The following ZNHIT6 variants were observed in gnomAD, a reference collection of about 807,000 sequenced individuals.
ZNHIT6 encodes box C/D snoRNA protein 1.
Under a neutral mutation model 57.2 loss-of-function variants are expected in ZNHIT6, and 45 were observed. The ratio of observed to expected loss-of-function variants is 0.79; its 90% confidence interval spans 0.62 to 1.01. The LOEUF is 1.01. ZNHIT6 is among the 50% of genes least tolerant of loss of function. The probability of loss-of-function intolerance (pLI) is 0.00; values close to 1 mark genes in which losing one functional copy is unlikely to be tolerated. For missense variants in ZNHIT6, 528 were observed against 567.3 expected (o/e 0.93, Z 0.70); for synonymous variants, 188 against 190.0 (o/e 0.99, Z 0.09).
At chr1:85,666,604 C>T (rs184477255) in intron 8 of ZNHIT6, among the ~76,000 whole-genome samples, 21 of 152,102 alleles carry the variant, frequency 1.4e-4, no homozygotes, top group African/African-American at 4.3e-4. Context: ...TATATCTGTC[C>T]GGTAAACACT....
intron 8 of ZNHIT6, among the ~76,000 whole-genome samples, chr1:85,663,338 C>G (rs1356031972): frequency 6.6e-6 from 1 of 152,170 alleles, no homozygotes; most frequent in Non-Finnish European, 1.5e-5. Flanking sequence ...ACAAACAGGT[C>G]TGAGTCCAAA....
At chr1:85,681,698 CTTT>C (rs892843684) in intron 5 of ZNHIT6, among the ~76,000 whole-genome samples, 2 of 152,126 alleles carry the variant, frequency 1.3e-5, no homozygotes, top group Non-Finnish European at 2.9e-5. Flanking sequence ...AAATAATTTT[CTTT>C]TAATACAATC....
chr1:85,693,145 C>A (rs1264650901), intron 5 of ZNHIT6, among the ~76,000 whole-genome samples: 1 of 152,026 alleles, frequency 6.6e-6, no homozygotes, highest in Non-Finnish European at 1.5e-5. Context: ...AACTGAGGGC[C>A]AATATCATTT....
At chr1:85,706,579 A>C in intron 1 of ZNHIT6, 72 bp from the exon 2 acceptor site, 1 of 1,321,240 alleles carries the variant, frequency 7.6e-7, no homozygotes, top group East Asian at 2.7e-5. Context: ...AGAATTCCCA[A>C]TCAATTTATA....
chr1:85,696,413 T>C (rs977817103), intron 5 of ZNHIT6, among the ~76,000 whole-genome samples: 2 of 152,164 alleles, frequency 1.3e-5, no homozygotes, highest in Admixed American at 1.3e-4. Context: ...ACAATACTTC[T>C]ACGTCTAATT....
chr1:85,706,723 A>G (rs1301983050), intron 1 of ZNHIT6, among the ~76,000 whole-genome samples: 1 of 152,238 alleles, frequency 6.6e-6, no homozygotes, highest in African/African-American at 2.4e-5. Flanking sequence ...AAAATGTATT[A>G]AAATTTTTAA....
chr1:85,674,217 G>C (rs916253083), intron 8 of ZNHIT6, among the ~76,000 whole-genome samples: 1 of 152,172 alleles, frequency 6.6e-6, no homozygotes, highest in Non-Finnish European at 1.5e-5. Context: ...TAGCAAAAAT[G>C]GGGGAATTTG....
In ZNHIT6 at chr1:85,654,085, A is replaced by G; in HGVS notation, c.1386T>C (p.Ser462=). Residue 462 remains serine, a synonymous_variant, in exon 10 of 10, where the codon TCT becomes TCC. Coordinates refer to ENST00000370574, the MANE Select transcript of ZNHIT6 (RefSeq NM_017953.4). ...AATTTTCATTGCCAACGTTCTTGGT[A>G]GATTCACTCTTCACTAGAAAAAAAT... is the stretch of plus-strand genomic sequence containing the variant. ...MKVLHQVKSE[S]TKNVGNEN The G allele has an allele frequency of 6.2e-7, 1 of 1,612,266 alleles. No homozygotes were observed. Among genetic ancestry groups the G allele is most frequent in the Non-Finnish European group, 8.5e-7 (1 of 1,179,308 alleles).
At position 85,652,199 on chromosome 1, in the gene ZNHIT6, T is replaced by C. The variant is rs1360201879; in HGVS notation, c.*1859A>G. The C allele has an allele frequency of 6.6e-6, 1 of 152,198 alleles. No individual in the cohort carries two copies. Among genetic ancestry groups the C allele is most frequent in the Non-Finnish European group, 1.5e-5 (1 of 68,030 alleles). The allele number at this position is 152,198 out of a possible 1,614,324, so 9.4% of individuals were successfully genotyped here. A position where few individuals can be genotyped will look rare whatever the true frequency, so the allele number is the denominator to read the frequency against. On this transcript the variant is annotated 3_prime_UTR_variant, in exon 10 of 10. Coordinates refer to ENST00000370574, the MANE Select transcript of ZNHIT6 (RefSeq NM_017953.4). ...GACTACATCATAACAGATTTCACTGTCAAAAAATTCCTATCCACCCTCATA... is the reference window on the plus strand; with the variant it reads ...GACTACATCATAACAGATTTCACTGCCAAAAAATTCCTATCCACCCTCATA...
At chr1:85,703,207 T>C (rs1662584800) in intron 4 of ZNHIT6, among the ~76,000 whole-genome samples, 1 of 152,130 alleles carries the variant, frequency 6.6e-6, no homozygotes, top group Admixed American at 6.5e-5. Flanking sequence ...ATCTCTACTT[T>C]TAGAGCAAGC....
intron 8 of ZNHIT6, among the ~76,000 whole-genome samples, chr1:85,672,965 T>G (rs1329372261): frequency 5.3e-5 from 8 of 152,230 alleles, no homozygotes; most frequent in Non-Finnish European, 1.0e-4. Context: ...GTTGGTTGTT[T>G]TATAAATTCT....
chr1:85,667,961 A>AAAAAAATGTATATATATATATAT lies in ZNHIT6; in HGVS notation c.1247+9274_1247+9275insATATATATATATATACATTTTTT. 5.5e-4 allele frequency among the ~76,000 whole-genome samples: 10 copies of AAAAAAATGTATATATATATATAT among 18,202 alleles called. 2 individuals carry two copies. The highest frequency in any genetic ancestry group is 1.5e-3 in the African/African-American group (7 of 4,712). 11.9% of individuals were successfully genotyped at this position (18,202 alleles called of 152,430 possible). ...ACTCTCTCTTTCAAAAAAAAAAAAA[A>AAAAAAATGTATATATATATATAT]ATATATATATATATATATATATATG... On this transcript the variant is annotated intron_variant, in intron 8 of 9. Transcript: ENST00000370574.
At chr1:85,658,551 C>T (rs1431767892) in intron 8 of ZNHIT6, among the ~76,000 whole-genome samples, 1 of 149,598 alleles carries the variant, frequency 6.7e-6, no homozygotes, top group Non-Finnish European at 1.5e-5. Flanking sequence ...AATTTTCATA[C>T]CAAGAAATAG....
chr1:85,656,797 T>C (rs1446183606), intron 9 of ZNHIT6, among the ~76,000 whole-genome samples: 2 of 152,150 alleles, frequency 1.3e-5, no homozygotes, highest in East Asian at 1.9e-4. Context: ...GTAGCACTGA[T>C]ACAATTTTGG....
chr1:85,702,496 G>C (rs1662565006), intron 4 of ZNHIT6, among the ~76,000 whole-genome samples: 2 of 152,150 alleles, frequency 1.3e-5, no homozygotes, highest in South Asian at 4.1e-4. Flanking sequence ...CAGAGAGATA[G>C]AACCTGTATT....
At position 85,662,098 on chromosome 1, in the gene ZNHIT6, A is replaced by C. The variant is rs531274865; in HGVS notation, c.1248-4127T>G. On this transcript the variant is annotated intron_variant, in intron 8 of 9. Coordinates refer to ENST00000370574, the MANE Select transcript of ZNHIT6 (RefSeq NM_017953.4). The stretch of plus-strand genomic sequence containing the variant: ...TGACTCTGTCACTAACTTTCAAAGA[A>C]ACAGGCCAAGCTCTTGAACTTCTTT... Among the ~76,000 whole-genome samples, 4 of 152,120 alleles carry C rather than the reference A, an allele frequency of 2.6e-5. No homozygotes were observed. In the East Asian group the frequency reaches 7.7e-4, roughly 29 times the overall value.
Position 85,704,366 on chromosome 1 carries a change from T to A in ZNHIT6, c.915+1712A>T, listed in dbSNP as rs1662619207. Among the ~76,000 whole-genome samples, 3 of 151,620 alleles carry A rather than the reference T, an allele frequency of 2.0e-5. No individual in the cohort carries two copies. In the South Asian group the frequency reaches 6.2e-4, roughly 31 times the overall value. On this transcript the variant is annotated intron_variant, in intron 4 of 9. Transcript: ENST00000370574. ...AACTGTTTTTTATTCTTACAGAAAA[T>A]CCAAAATCCATTAAAAAAATGCGTA...
rs973422175 is a variant in ZNHIT6, at chr1:85,652,503, T to A, written c.*1555A>T. On this transcript the variant is annotated 3_prime_UTR_variant, in exon 10 of 10. Coordinates refer to ENST00000370574, the MANE Select transcript of ZNHIT6 (RefSeq NM_017953.4). ...TGTATGTTTCTCAAGTTGCAAGGAC[T>A]CACTTTCTATGAACTTTCTATGAAT... 9.2e-5 allele frequency: 14 copies of A among 152,332 alleles called. No individual in the cohort carries two copies. The highest frequency in any genetic ancestry group is 3.4e-4 in the African/African-American group (14 of 41,592). The allele number at this position is 152,332 out of a possible 1,614,324, so 9.4% of individuals were successfully genotyped here.
Position 85,670,898 on chromosome 1 carries a change from T to G in ZNHIT6, c.1247+6338A>C, listed in dbSNP as rs61409193. 2.6e-3 allele frequency among the ~76,000 whole-genome samples: 397 copies of G among 152,300 alleles called. 2 individuals are homozygous for G. Among genetic ancestry groups the G allele is most frequent in the African/African-American group, 8.8e-3 (366 of 41,566 alleles). The stretch of plus-strand genomic sequence containing the variant: ...TGGCTTACTAGAACAACAGTGCCAG[T>G]AATAGAAAATGCGTACCAACATTTG... On this transcript the variant is annotated intron_variant, in intron 8 of 9. Coordinates refer to ENST00000370574, the MANE Select transcript of ZNHIT6 (RefSeq NM_017953.4).
Sources: allele counts gnomAD v4.1 joint callset (sites outside exome capture counted in the v4.1 genomes callset), GRCh38; gene constraint gnomAD v4.1.1; transcripts MANE v1.5; gene names NCBI Gene and HGNC (gene_info 2026-07-23, HGNC 2026-07-21).